NFATC2: variants seen among roughly 807,000 people sequenced by gnomAD.
NFATC2 encodes nuclear factor of activated T-cells, cytoplasmic 2.
Under a neutral mutation model 87.3 loss-of-function variants are expected in NFATC2, and 22 were observed. The observed-to-expected ratio is 0.25, with a 90% CI of 0.18 to 0.36. NFATC2 has a LOEUF of 0.36. NFATC2 is among the 10% of genes least tolerant of loss of function. The probability of loss-of-function intolerance (pLI) is 1.00; values close to 1 mark genes in which losing one functional copy is unlikely to be tolerated. For synonymous variants in NFATC2, 565 were observed against 542.2 expected (o/e 1.04, Z -0.58); for missense variants, 1,149 against 1,259.1 (o/e 0.91, Z 1.32).
At chr20:51,460,978 C>T (rs935636402) in intron 5 of NFATC2, among the ~76,000 whole-genome samples, 6 of 152,324 alleles carry the variant, frequency 3.9e-5, no homozygotes, top group Admixed American at 1.3e-4. Context: ...TGACTTGTCA[C>T]GCACGTTTGC....
At chr20:51,464,641 G>C (rs957841802) in intron 5 of NFATC2, among the ~76,000 whole-genome samples, 12 of 144,126 alleles carry the variant, frequency 8.3e-5, no homozygotes, top group Admixed American at 7.6e-4. Context: ...ACAGGATCTT[G>C]AAGGAGACAA....
In NFATC2 at chr20:51,394,599, C is replaced by T. The variant is rs74479918; in HGVS notation, c.*45-3148G>A. Among the ~76,000 whole-genome samples the T allele has an allele frequency of 2.0e-4, 30 of 152,204 alleles. No individual in the cohort carries two copies. In the East Asian group the frequency reaches 4.8e-3, roughly 24 times the overall value. On this transcript the variant is annotated intron_variant, in intron 10 of 10. Coordinates refer to ENST00000371564, the MANE Select transcript of NFATC2 (RefSeq NM_012340.5). ...TGCTGCGCTGATGCTCTCCTTCCCC[C>T]CATATCCCTTAGATGATGCCTTGGT...
intron 2 of NFATC2, among the ~76,000 whole-genome samples, chr20:51,521,998 G>A (rs969469806): frequency 5.3e-5 from 8 of 152,198 alleles, no homozygotes; most frequent in Admixed American, 2.6e-4. Context: ...TCCATGTGGT[G>A]TGCAGGCATT....
chr20:51,477,343 G>A (rs891029139), intron 3 of NFATC2, among the ~76,000 whole-genome samples: 2 of 151,802 alleles, frequency 1.3e-5, no homozygotes, highest in Non-Finnish European at 2.9e-5. Flanking sequence ...AGAAAAAGGT[G>A]TGAAAGGATG....
intron 1 of NFATC2, among the ~76,000 whole-genome samples, chr20:51,540,661 T>TGTTTG (rs2076798952): frequency 3.2e-5 from 4 of 125,322 alleles, no homozygotes; most frequent in Admixed American, 2.3e-4. Context: ...TTTTTTTGTT[T>TGTTTG]TTTTTTTTTT....
chr20:51,459,035 C>T (rs1307563824), intron 5 of NFATC2, among the ~76,000 whole-genome samples: 2 of 152,152 alleles, frequency 1.3e-5, no homozygotes, highest in South Asian at 2.1e-4. Flanking sequence ...CAGATGCCTC[C>T]TCTGTAAGGT....
intron 1 of NFATC2, among the ~76,000 whole-genome samples, chr20:51,551,694 A>C (rs2076934130): frequency 1.6e-5 from 1 of 62,602 alleles, no homozygotes; most frequent in Non-Finnish European, 2.5e-5. Context: ...GAGTTTTGGC[A>C]TGATAAGCCA....
At position 51,475,550 on chromosome 20, in the gene NFATC2, C is replaced by T. The variant is rs367544458; in HGVS notation, c.1443G>A (p.Gly481=). 6.2e-7 allele frequency: 1 copy of T among 1,614,114 alleles called. No individual in the cohort carries two copies. Among genetic ancestry groups the T allele is most frequent in the South Asian group, 1.1e-5 (1 of 91,064 alleles). ...HAFYQVHRIT[G]KTVTTTSYEK... ...CATAGCTGGTGGTGGTGACAGTTTT[C>T]CCCGTGATTCGGTGCACCTGGTAGA... The change falls in exon 4 of 11, where the codon GGG becomes GGA. Residue 481 remains glycine (G), a synonymous_variant. Coordinates refer to ENST00000371564, the MANE Select transcript of NFATC2 (RefSeq NM_012340.5).
chr20:51,445,859 G>C (rs917728453), intron 6 of NFATC2, among the ~76,000 whole-genome samples: 1 of 152,222 alleles, frequency 6.6e-6, no homozygotes, highest in Admixed American at 6.5e-5. Context: ...AAGCCTGAGA[G>C]GGCACGCTTG....
chr20:51,535,906 G>A (rs1046331103), intron 1 of NFATC2, among the ~76,000 whole-genome samples: 5 of 152,088 alleles, frequency 3.3e-5, no homozygotes, highest in Non-Finnish European at 7.4e-5. Flanking sequence ...TTACAAGGTC[G>A]GGAGGGTCCC....
At chr20:51,493,573 C>T (rs1255644807) in intron 3 of NFATC2, among the ~76,000 whole-genome samples, 1 of 152,196 alleles carries the variant, frequency 6.6e-6, no homozygotes, top group East Asian at 1.9e-4. Context: ...GACTATGAGT[C>T]TCACTCACCG....
upstream of NFATC2, among the ~76,000 whole-genome samples, chr20:51,545,373 C>CAGGTGGGGGA (rs1442424968): frequency 2.0e-5 from 3 of 152,176 alleles, no homozygotes; most frequent in East Asian, 5.8e-4. Context: ...GCTATCAACC[C>CAGGTGGGGGA]AGCTGCCCCA....
At chr20:51,488,733 C>A (rs1367874308) in intron 3 of NFATC2, among the ~76,000 whole-genome samples, 3 of 152,172 alleles carry the variant, frequency 2.0e-5, no homozygotes, top group Admixed American at 6.5e-5. Flanking sequence ...ACTGTCATCT[C>A]TCACCTGGAC....
intron 1 of NFATC2, among the ~76,000 whole-genome samples, chr20:51,531,965 G>C (rs556275993): frequency 2.6e-4 from 39 of 152,306 alleles, no homozygotes; most frequent in Non-Finnish European, 5.3e-4. Flanking sequence ...TTCAGAAAAT[G>C]TGTGGAGGAG....
chr20:51,532,411 TC>T (rs1484324924), intron 1 of NFATC2, among the ~76,000 whole-genome samples: 2 of 151,268 alleles, frequency 1.3e-5, no homozygotes, highest in African/African-American at 4.9e-5. Context: ...GAAGCAAGGA[TC>T]CCCCCCGGAA....
At chr20:51,475,721 C>CA (rs899460455) in intron 3 of NFATC2, 61 bp from the exon 4 acceptor site, 51 of 1,509,410 alleles carry the variant, frequency 3.4e-5, no homozygotes, top group Non-Finnish European at 4.4e-5. Context: ...ATCCAATAAA[C>CA]AAAAAAAGAC....
chr20:51,453,878 T>C (rs1202827367), intron 6 of NFATC2, among the ~76,000 whole-genome samples: 1 of 152,216 alleles, frequency 6.6e-6, no homozygotes, highest in African/African-American at 2.4e-5. Flanking sequence ...TCAGAATGAC[T>C]ATCCAAAATT....
intron 6 of NFATC2, among the ~76,000 whole-genome samples, chr20:51,450,780 T>A (rs1195393316): frequency 1.3e-5 from 2 of 152,172 alleles, no homozygotes; most frequent in Non-Finnish European, 2.9e-5. Context: ...CAGTGGCCAA[T>A]AATAGGAGCT....
intron 3 of NFATC2, among the ~76,000 whole-genome samples, chr20:51,479,305 G>A (rs546432370): frequency 1.3e-5 from 2 of 152,286 alleles, no homozygotes; most frequent in South Asian, 4.2e-4. Context: ...AACATTTGTT[G>A]AATAATCTGT....
Sources: gnomAD v4.1 joint callset for allele counts (sites outside exome capture counted in the v4.1 genomes callset) on GRCh38, gnomAD v4.1.1 for gene constraint, MANE v1.5 for transcripts, NCBI Gene and HGNC (gene_info 2026-07-23, HGNC 2026-07-21) for gene names.